The following SLC35E3 variants were observed in gnomAD, a reference collection of about 807,000 sequenced individuals.
SLC35E3 encodes the protein solute carrier family 35 member E3.
A neutral mutation model predicts 30.8 loss-of-function variants in SLC35E3; 28 were observed. The observed-to-expected ratio is 0.91, with a 90% CI of 0.67 to 1.25. The LOEUF is 1.25. Ranked by LOEUF, SLC35E3 falls within the 50% of genes most tolerant of loss-of-function variation. The pLI is 0.00. For missense variants in SLC35E3, 365 were observed against 375.4 expected (o/e 0.97, Z 0.23); for synonymous variants, 146 against 149.2 (o/e 0.98, Z 0.16).
intron 3 of SLC35E3, 33 bp downstream of exon 3, chr12:68,752,223 A>C (rs1878830465): frequency 2.6e-6 from 4 of 1,551,976 alleles, no homozygotes; most frequent in Non-Finnish European, 3.5e-6. Context: ...TCTAAGAAAC[A>C]GTATAATAAT....
rs2136082409 is a variant in SLC35E3, at chr12:68,767,836, T to G, written c.*2946T>G. ...TGTGCTAAGGACAGAGCAATTAGTT[T>G]TTACCAGATAAGCCTCGGGTATTAT... On this transcript the variant is annotated 3_prime_UTR_variant, in exon 5 of 5. Coordinates refer to ENST00000398004, the MANE Select transcript of SLC35E3 (RefSeq NM_018656.5). 1 of 152,324 alleles carries G rather than the reference T, an allele frequency of 6.6e-6. No individual in the cohort carries two copies. The highest frequency in any genetic ancestry group is 2.4e-5 in the African/African-American group (1 of 41,580). 9.4% of individuals were successfully genotyped at this position (152,324 alleles called of 1,614,324 possible). A position where few individuals can be genotyped will look rare whatever the true frequency, so the allele number is the denominator to read the frequency against.
At position 68,772,440 on chromosome 12, in the gene SLC35E3, ACTTT is replaced by A. The variant is rs1255387571; in HGVS notation, c.*7554_*7557del. 2 of 152,172 alleles carry A rather than the reference ACTTT, an allele frequency of 1.3e-5. No homozygotes were observed. Among genetic ancestry groups the A allele is most frequent in the African/African-American group, 2.4e-5 (1 of 41,456 alleles). The allele number at this position is 152,172 out of a possible 1,614,324, so 9.4% of individuals were successfully genotyped here. ...GAGACGCATTTAATGTAATCATATTACTTTCTTATATTAGAAGATAGGATTTCTT... is the reference window on the plus strand; with the variant it reads ...GAGACGCATTTAATGTAATCATATTACTTATATTAGAAGATAGGATTTCTT... On this transcript the variant is annotated 3_prime_UTR_variant, in exon 5 of 5. Transcript: ENST00000398004.
rs1879386277 is a variant in SLC35E3 at position 68,765,702 on chromosome 12, A to G, written c.*812A>G. ...CACACACATACATATACATGTGTAT[A>G]TATATACCATCCCATATATATGTGG... is the stretch of plus-strand genomic sequence containing the variant. On this transcript the variant is annotated 3_prime_UTR_variant, in exon 5 of 5. Coordinates refer to ENST00000398004, the MANE Select transcript of SLC35E3 (RefSeq NM_018656.5). 6.6e-6 allele frequency: 1 copy of G among 151,060 alleles called. No individual in the cohort carries two copies. The highest frequency in any genetic ancestry group is 2.1e-4 in the South Asian group (1 of 4,804). 9.4% of individuals were successfully genotyped at this position (151,060 alleles called of 1,614,324 possible). A position where few individuals can be genotyped will look rare whatever the true frequency, so the allele number is the denominator to read the frequency against.
chr12:68,753,952 A>C (rs1486009469), intron 3 of SLC35E3, among the ~76,000 whole-genome samples: 1 of 151,702 alleles, frequency 6.6e-6, no homozygotes, highest in Non-Finnish European at 1.5e-5. Flanking sequence ...CCCGGGTTCA[A>C]GCGGTTCTCC....
chr12:68,776,549 G>A lies in SLC35E3; in HGVS notation c.*11659G>A, dbSNP rs1159513837. On this transcript the variant is annotated 3_prime_UTR_variant, in exon 5 of 5. Transcript: ENST00000398004. ...AAGAAAAGAAAAATTAGTCAGCTGT[G>A]ATGGTGTGCACCTGTAGTCCCAGCT... The A allele has an allele frequency of 6.6e-6, 1 of 152,552 alleles. No individual in the cohort carries two copies. Among genetic ancestry groups the A allele is most frequent in the Non-Finnish European group, 1.5e-5 (1 of 68,714 alleles). 9.4% of individuals were successfully genotyped at this position (152,552 alleles called of 1,614,324 possible).
intron 4 of SLC35E3, among the ~76,000 whole-genome samples, chr12:68,759,725 T>A (rs193141595): frequency 1.3e-5 from 2 of 151,020 alleles, no homozygotes; most frequent in East Asian, 3.9e-4. Context: ...AAAAGAAATA[T>A]GAACTGAGGA....
intron 3 of SLC35E3, among the ~76,000 whole-genome samples, chr12:68,754,528 C>T (rs572786067): frequency 6.6e-6 from 1 of 152,234 alleles, no homozygotes; most frequent in Admixed American, 6.5e-5. Flanking sequence ...TCAAGTGATC[C>T]ACCCACCTCG....
chr12:68,752,307 AAT>A, intron 3 of SLC35E3, 117 bp downstream of exon 3: 1 of 1,041,382 alleles, frequency 9.6e-7, no homozygotes, highest in Non-Finnish European at 1.4e-6. Flanking sequence ...TTATCGTCAT[AAT>A]CACCATAAAA....
intron 2 of SLC35E3, among the ~76,000 whole-genome samples, chr12:68,748,494 C>T (rs1878679442): frequency 6.6e-6 from 1 of 151,870 alleles, no homozygotes; most frequent in Non-Finnish European, 1.5e-5. Context: ...TGTTTATTGG[C>T]TTTTAATAAT....
intron 4 of SLC35E3, 85 bp downstream of exon 4, chr12:68,759,324 C>A: frequency 1.1e-6 from 1 of 941,154 alleles, no homozygotes; most frequent in South Asian, 1.4e-5. Flanking sequence ...GAATCTCACA[C>A]TAACTATTGC....
intron 3 of SLC35E3, among the ~76,000 whole-genome samples, chr12:68,757,323 T>C (rs1162140515): frequency 6.6e-6 from 1 of 152,210 alleles, no homozygotes; most frequent in Non-Finnish European, 1.5e-5. Context: ...AGTAGAGTAA[T>C]TGTGTTTTTA....
chr12:68,747,266 C>CTTT (rs201303961), intron 1 of SLC35E3, among the ~76,000 whole-genome samples: 1 of 143,804 alleles, frequency 7.0e-6, no homozygotes. Flanking sequence ...AGGTCTTTTT[C>CTTT]TTTTTTTTTT....
At chr12:68,764,599 T>C (rs1879320801) in intron 4 of SLC35E3, 105 bp from the exon 5 acceptor site, 14 of 1,071,886 alleles carry the variant, frequency 1.3e-5, no homozygotes, top group Non-Finnish European at 1.9e-5. Context: ...CATTGTTCTT[T>C]ACATCTGATG....
rs984035388 is a variant in SLC35E3, at chr12:68,773,174, C to G, written c.*8284C>G. 1 of 152,238 alleles carries G rather than the reference C, an allele frequency of 6.6e-6. No homozygotes were observed. The highest frequency in any genetic ancestry group is 2.4e-5 in the African/African-American group (1 of 41,426). 9.4% of individuals were successfully genotyped at this position (152,238 alleles called of 1,614,324 possible). ...ACCTATAGCTACAATAAAGTGTCGT[C>G]TTGGAGTCTGTTGTACATTTAAGAA... On this transcript the variant is annotated 3_prime_UTR_variant, in exon 5 of 5. Transcript: ENST00000398004.
In SLC35E3 at chr12:68,746,368, C is replaced by T. The variant is rs772751423; in HGVS notation, c.-10C>T. On this transcript the variant is annotated 5_prime_UTR_variant, in exon 1 of 5. Coordinates refer to ENST00000398004, the MANE Select transcript of SLC35E3 (RefSeq NM_018656.5). ...TTCCGAGGCTAGACGGCCCCAGCTTCGCGGGGATCATGGCATTGCTGGTGG... is the reference window on the plus strand; with the variant it reads ...TTCCGAGGCTAGACGGCCCCAGCTTTGCGGGGATCATGGCATTGCTGGTGG... 1.9e-6 allele frequency: 3 copies of T among 1,557,658 alleles called. No individual in the cohort carries two copies. The highest frequency in any genetic ancestry group is 1.9e-5 in the Admixed American group (1 of 53,316).
chr12:68,751,072 G>T (rs938601395), intron 2 of SLC35E3, among the ~76,000 whole-genome samples: 1 of 152,074 alleles, frequency 6.6e-6, no homozygotes, highest in Non-Finnish European at 1.5e-5. Flanking sequence ...TGAATGGTAT[G>T]GTATTTTAGG....
rs1341603083 is a variant in SLC35E3 at position 68,775,982 on chromosome 12, C to T, written c.*11092C>T. 1.9e-5 allele frequency: 2 copies of T among 103,406 alleles called. No individual in the cohort carries two copies. The highest frequency in any genetic ancestry group is 3.9e-5 in the Non-Finnish European group (2 of 51,140). The allele number at this position is 103,406 out of a possible 1,614,324, so 6.4% of individuals were successfully genotyped here. On this transcript the variant is annotated 3_prime_UTR_variant, in exon 5 of 5. Coordinates refer to ENST00000398004, the MANE Select transcript of SLC35E3 (RefSeq NM_018656.5). ...AAAAAAAAAAAAAAAAAAAAAAAGG[C>T]CAGACTTGGTAGCTAACACCTGTAA...
rs1879681015 is a variant in SLC35E3, at chr12:68,774,375, T to A, written c.*9485T>A. ...TGGGTGGATCACCTGAGGTCAGGAG[T>A]TCGAGACCAGCCTGACCAACATGGA... On this transcript the variant is annotated 3_prime_UTR_variant, in exon 5 of 5. Transcript: ENST00000398004. 1 of 151,992 alleles carries A rather than the reference T, an allele frequency of 6.6e-6. No homozygotes were observed. Among genetic ancestry groups the A allele is most frequent in the African/African-American group, 2.4e-5 (1 of 41,300 alleles). The allele number at this position is 151,992 out of a possible 1,614,324, so 9.4% of individuals were successfully genotyped here.
At chr12:68,758,729 CTTTTTTTTTTTT>C (rs776771224) in intron 3 of SLC35E3, among the ~76,000 whole-genome samples, 18 of 48,424 alleles carry the variant, frequency 3.7e-4, no homozygotes, top group South Asian at 1.4e-3. Flanking sequence ...AATTCTCTTT[CTTTTTTTTTTTT>C]TTTTTTTTTT....
Sources: gnomAD v4.1 joint callset for allele counts (sites outside exome capture counted in the v4.1 genomes callset) on GRCh38, gnomAD v4.1.1 for gene constraint, MANE v1.5 for transcripts, NCBI Gene and HGNC (gene_info 2026-07-23, HGNC 2026-07-21) for gene names.